SERPINA10: variants seen among roughly 807,000 people sequenced by gnomAD.
SERPINA10 encodes the protein serpin family A member 10, also known as protein Z-dependent protease inhibitor.
In SERPINA10, 24 loss-of-function variants were observed where a neutral mutation model predicts 28.0. The ratio of observed to expected loss-of-function variants is 0.86; its 90% CI spans 0.62 to 1.20. SERPINA10 has a LOEUF of 1.20. Ranked by LOEUF, SERPINA10 falls within the 50% of genes most tolerant of loss-of-function variation. The pLI, the probability that SERPINA10 is intolerant of heterozygous loss-of-function variation, is 0.00. For synonymous variants in SERPINA10, 207 were observed against 203.9 expected (o/e 1.02, Z -0.13); for missense variants, 521 against 537.7 (o/e 0.97, Z 0.31).
rs143232539 is a variant in SERPINA10 at position 94,290,074 on chromosome 14, C to T, written c.520G>A (p.Val174Ile). 168 of 1,614,218 alleles carry T rather than the reference C, an allele frequency of 1.0e-4. No individual in the cohort carries two copies. The African/African-American group carries it at 1.8e-3, about 17-fold the overall frequency. ...GATAAATTGAAGAAAGTCTCTTTGACATCAAAATCCTTGTGGATGAAGGCA... is the reference window on the plus strand; with the variant it reads ...GATAAATTGAAGAAAGTCTCTTTGATATCAAAATCCTTGTGGATGAAGGCA... ...SFAFIHKDFDVKETFFNLSKR... is the reference protein window; with the variant it reads ...SFAFIHKDFDIKETFFNLSKR... The change falls in exon 2 of 5, where the codon GTC becomes ATC. Residue 174 changes from valine to isoleucine, a missense_variant. Coordinates refer to ENST00000261994, the MANE Select transcript of SERPINA10 (RefSeq NM_001100607.3).
rs142592711 is a variant in SERPINA10 at position 94,291,286 on chromosome 14, A to G, written c.-50-643T>C. On this transcript the variant is annotated intron_variant, in intron 1 of 4. Transcript: ENST00000261994. ...AGCAGGAGGCCCCGCAATTCATACA[A>G]CCCACTTCTGGGCTCCCTCCACTGT... is the stretch of plus-strand genomic sequence containing the variant. Among the ~76,000 whole-genome samples the G allele has an allele frequency of 4.8e-3, 730 of 151,992 alleles. 2 individuals are homozygous for G. Among genetic ancestry groups the G allele is most frequent in the Non-Finnish European group, 8.0e-3 (543 of 67,934 alleles).
chr14:94,289,731 T>C, intron 2 of SERPINA10, 145 bp downstream of exon 2: 1 of 895,586 alleles, frequency 1.1e-6, no homozygotes, highest in Non-Finnish European at 1.8e-6. Context: ...CACTGTTCAA[T>C]ATGTGTATCA....
chr14:94,289,167 G>A (rs898732022), intron 2 of SERPINA10, among the ~76,000 whole-genome samples: 2 of 152,230 alleles, frequency 1.3e-5, no homozygotes, highest in Non-Finnish European at 2.9e-5. Flanking sequence ...GGCTTTGTAA[G>A]TCTGGTGCCA....
intron 1 of SERPINA10, 77 bp from the exon 2 acceptor site, chr14:94,290,720 A>C: frequency 6.7e-7 from 1 of 1,481,958 alleles, no homozygotes; most frequent in South Asian, 1.3e-5. Context: ...TTCTTCAGGG[A>C]CCCTGCCTCC....
At chr14:94,287,553 A>G (rs1039469582) in intron 3 of SERPINA10, among the ~76,000 whole-genome samples, 1 of 152,092 alleles carries the variant, frequency 6.6e-6, no homozygotes, top group Non-Finnish European at 1.5e-5. Context: ...CTTACCCCCT[A>G]GTGTCTTTTC....
intron 1 of SERPINA10, chr14:94,292,671 C>A: frequency 1.4e-6 from 1 of 702,002 alleles, no homozygotes; most frequent in Non-Finnish European, 2.6e-6. Context: ...CTGGGTGCTC[C>A]TGGACATATA....
At chr14:94,288,824 A>T (rs1895090119) in intron 2 of SERPINA10, among the ~76,000 whole-genome samples, 1 of 152,210 alleles carries the variant, frequency 6.6e-6, no homozygotes, top group Non-Finnish European at 1.5e-5. Context: ...CGCACACGAA[A>T]GCAGGGAAAT....
In SERPINA10 at chr14:94,283,680, C is replaced by A; in HGVS notation, c.*285G>T. On this transcript the variant is annotated 3_prime_UTR_variant, in exon 5 of 5. Transcript: ENST00000261994. ...TTAATGTTGTTATTATTGTTAATCT[C>A]TTACTGTGCCTAATTTATAAATTAA... 2.1e-6 allele frequency: 1 copy of A among 469,264 alleles called. No individual in the cohort carries two copies. Among genetic ancestry groups the A allele is most frequent in the Non-Finnish European group, 3.8e-6 (1 of 262,204 alleles). 29.1% of individuals were successfully genotyped at this position (469,264 alleles called of 1,614,324 possible). A position where few individuals can be genotyped will look rare whatever the true frequency, so the allele number is the denominator to read the frequency against.
chr14:94,289,762 AAC>A, intron 2 of SERPINA10, 112 bp downstream of exon 2: 1 of 1,208,112 alleles, frequency 8.3e-7, no homozygotes, highest in Non-Finnish European at 1.2e-6. Context: ...GAAACGTGAA[AAC>A]ACATTCATAG....
At chr14:94,286,392 T>C in intron 3 of SERPINA10, 134 bp from the exon 4 acceptor site, 1 of 970,570 alleles carries the variant, frequency 1.0e-6, no homozygotes, top group Non-Finnish European at 1.6e-6. Context: ...GTTCATGCCA[T>C]TCTTTTACAG....
In SERPINA10 at chr14:94,281,580, C is replaced by T. The variant is rs748035765; in HGVS notation, c.*2385G>A. 7 of 152,134 alleles carry T rather than the reference C, an allele frequency of 4.6e-5. No individual in the cohort carries two copies. Among genetic ancestry groups the T allele is most frequent in the Non-Finnish European group, 1.0e-4 (7 of 68,022 alleles). 9.4% of individuals were successfully genotyped at this position (152,134 alleles called of 1,614,324 possible). A position where few individuals can be genotyped will look rare whatever the true frequency, so the allele number is the denominator to read the frequency against. On this transcript the variant is annotated 3_prime_UTR_variant, in exon 5 of 5. Coordinates refer to ENST00000261994, the MANE Select transcript of SERPINA10 (RefSeq NM_001100607.3). ...GTAAGTTACATTTTTTATTGGTCTGCGTTTTTCTGTCATGCCTGTGTACTT... is the reference window on the plus strand; with the variant it reads ...GTAAGTTACATTTTTTATTGGTCTGTGTTTTTCTGTCATGCCTGTGTACTT...
At chr14:94,286,053 T>C in intron 4 of SERPINA10, 55 bp downstream of exon 4, 2 of 1,603,484 alleles carry the variant, frequency 1.2e-6, no homozygotes, top group Non-Finnish European at 1.7e-6. Context: ...TAAAAGCATT[T>C]GTTTTGGTGA....
At chr14:94,287,429 A>G (rs1312182338) in intron 3 of SERPINA10, among the ~76,000 whole-genome samples, 1 of 152,168 alleles carries the variant, frequency 6.6e-6, no homozygotes, top group African/African-American at 2.4e-5. Context: ...ACTTCCTAAT[A>G]GATCCAGAAT....
rs1358340734 is a variant in SERPINA10, at chr14:94,288,461, C to T, written c.817G>A (p.Gly273Ser). The change falls in exon 3 of 5, where the codon GGC (glycine) becomes AGC (serine). Residue 273 changes from glycine to serine, a missense_variant. Gly to Ser is a moderately conservative substitution (Grantham distance 56). Transcript: ENST00000261994. The part of the protein sequence containing the change: ...TIKVPMMYGA[G>S]KFASTFDKNF... Reference sequence around the variant, plus strand: ...TTGTCAAAGGTGGAGGCAAACTTGCCTGCACCGTACATCATGGGCACCTTA... The same window carrying T: ...TTGTCAAAGGTGGAGGCAAACTTGCTTGCACCGTACATCATGGGCACCTTA... The T allele has an allele frequency of 6.2e-7, 1 of 1,614,128 alleles. No homozygotes were observed. Among genetic ancestry groups the T allele is most frequent in the Admixed American group, 1.7e-5 (1 of 60,020 alleles).
In SERPINA10 at chr14:94,283,920, G is replaced by C; in HGVS notation, c.*45C>G. The stretch of plus-strand genomic sequence containing the variant: ...TATCCTGTGTGTGTTTGATACCTCA[G>C]ATTCAGCATCTACTACAGCACGAAG... On this transcript the variant is annotated 3_prime_UTR_variant, in exon 5 of 5. Transcript: ENST00000261994. The C allele has an allele frequency of 1.3e-6, 2 of 1,580,974 alleles. No individual in the cohort carries two copies. The highest frequency in any genetic ancestry group is 3.3e-5 in the Admixed American group (2 of 59,966).
rs1894915951 is a variant in SERPINA10 at position 94,282,152 on chromosome 14, CA to C, written c.*1812del. ...TCTAAATACTGACTTTTCATCAGTC[CA>C]GGTTATGGAATGATGAAAAGTCAGT... On this transcript the variant is annotated 3_prime_UTR_variant, in exon 5 of 5. Coordinates refer to ENST00000261994, the MANE Select transcript of SERPINA10 (RefSeq NM_001100607.3). 6.6e-6 allele frequency: 1 copy of C among 151,222 alleles called. No individual in the cohort carries two copies. Among genetic ancestry groups the C allele is most frequent in the African/African-American group, 2.4e-5 (1 of 41,138 alleles). 9.4% of individuals were successfully genotyped at this position (151,222 alleles called of 1,614,324 possible).
rs1895153596 is a variant in SERPINA10, at chr14:94,290,700, T to C, written c.-50-57A>G. The C allele has an allele frequency of 4.6e-6, 7 of 1,532,364 alleles. No individual in the cohort carries two copies. The Admixed American group carries it at 1.4e-4, about 30-fold the overall frequency. 94.9% of individuals were successfully genotyped at this position (1,532,364 alleles called of 1,614,324 possible). On this transcript the variant is annotated intron_variant, in intron 1 of 4. Coordinates refer to ENST00000261994, the MANE Select transcript of SERPINA10 (RefSeq NM_001100607.3). ...ATGCCTCCTAAAATGTCTTTGTGGA[T>C]AGTAAAAGCTTCTTCAGGGACCCTG... is the stretch of plus-strand genomic sequence containing the variant.
chr14:94,286,739 G>A (rs947362635), intron 3 of SERPINA10, among the ~76,000 whole-genome samples: 4 of 152,128 alleles, frequency 2.6e-5, no homozygotes, highest in Non-Finnish European at 5.9e-5. Context: ...TTGAAAATAT[G>A]TTGCTTGAAA....
chr14:94,287,097 T>G (rs1895044043), intron 3 of SERPINA10, among the ~76,000 whole-genome samples: 1 of 152,178 alleles, frequency 6.6e-6, no homozygotes, highest in East Asian at 1.9e-4. Flanking sequence ...CTCTGTGCTT[T>G]CTTTTCCTCT....
Sources: allele counts gnomAD v4.1 joint callset (sites outside exome capture counted in the v4.1 genomes callset), GRCh38; gene constraint gnomAD v4.1.1; transcripts MANE v1.5; gene names NCBI Gene and HGNC (gene_info 2026-07-23, HGNC 2026-07-21).